The following MTUS2 variants were observed in gnomAD, a reference collection of about 807,000 sequenced individuals.
The protein encoded by MTUS2 is microtubule-associated tumor suppressor candidate 2.
Under a neutral mutation model 114.1 loss-of-function variants are expected in MTUS2, and 40 were observed. The observed-to-expected ratio is 0.35, with a 90% CI of 0.27 to 0.46. MTUS2 has a LOEUF of 0.46. MTUS2 is among the 20% of genes least tolerant of loss of function. The pLI, the probability that MTUS2 is intolerant of heterozygous loss-of-function variation, is 1.00. For synonymous variants in MTUS2, 688 were observed against 672.0 expected (o/e 1.02, Z -0.37); for missense variants, 1,679 against 1,705.4 (o/e 0.98, Z 0.27).
chr13:28,860,668 A>G (rs1876919049), intron 2 of MTUS2, among the ~76,000 whole-genome samples: 1 of 152,180 alleles, frequency 6.6e-6, no homozygotes, highest in Non-Finnish European at 1.5e-5. Context: ...CCTTGCTCCC[A>G]TCCACCTCAG....
intron 5 of MTUS2, among the ~76,000 whole-genome samples, chr13:29,218,267 T>C (rs1039503122): frequency 8.5e-6 from 1 of 117,378 alleles, no homozygotes; most frequent in Non-Finnish European, 1.8e-5. Context: ...TATCTGTTTA[T>C]GTTGTATCAT....
intron 5 of MTUS2, among the ~76,000 whole-genome samples, chr13:29,111,914 A>C (rs1268099568): frequency 1.3e-5 from 2 of 152,158 alleles, no homozygotes; most frequent in African/African-American, 4.8e-5. Context: ...AAAGTAAGAA[A>C]GTGCCATTCC....
At chr13:29,158,939 C>T (rs553693904) in intron 5 of MTUS2, among the ~76,000 whole-genome samples, 4 of 152,152 alleles carry the variant, frequency 2.6e-5, no homozygotes, top group African/African-American at 4.8e-5. Context: ...AGCCCAGGAA[C>T]GGGAGGGCTC....
intron 5 of MTUS2, among the ~76,000 whole-genome samples, chr13:29,253,425 C>A (rs1182768077): frequency 1.4e-5 from 2 of 147,480 alleles, no homozygotes; most frequent in Non-Finnish European, 3.0e-5. Flanking sequence ...GACTCCATCT[C>A]AAAAAAAAAA....
At chr13:29,061,476 G>T (rs1333544108) in intron 4 of MTUS2, among the ~76,000 whole-genome samples, 1 of 152,126 alleles carries the variant, frequency 6.6e-6, no homozygotes, top group Non-Finnish European at 1.5e-5. Flanking sequence ...GTTAAATTAT[G>T]CATGCAGATT....
At chr13:29,249,451 C>T (rs749301834) in intron 5 of MTUS2, among the ~76,000 whole-genome samples, 1 of 152,172 alleles carries the variant, frequency 6.6e-6, no homozygotes, top group Non-Finnish European at 1.5e-5. Flanking sequence ...TCCTGTTTCT[C>T]CACAGCCTCA....
chr13:29,131,198 T>G (rs979400108), intron 5 of MTUS2, among the ~76,000 whole-genome samples: 18 of 152,356 alleles, frequency 1.2e-4, no homozygotes, highest in African/African-American at 4.3e-4. Context: ...TACCTTCTTA[T>G]GACATGCCAG....
intron 8 of MTUS2, among the ~76,000 whole-genome samples, chr13:29,409,136 ATGGTGAAACCC>A (rs1875024932): frequency 6.6e-6 from 1 of 152,154 alleles, no homozygotes; most frequent in Non-Finnish European, 1.5e-5. Flanking sequence ...CCTGGCCAAC[ATGGTGAAACCC>A]TGTCTCTACT....
intron 5 of MTUS2, among the ~76,000 whole-genome samples, chr13:29,255,060 A>G (rs1049843292): frequency 4.6e-5 from 7 of 152,194 alleles, no homozygotes; most frequent in African/African-American, 1.7e-4. Flanking sequence ...CCCCTAGCTT[A>G]TAAGCAAGTG....
chr13:29,046,766 T>A (rs1887639877), intron 4 of MTUS2, among the ~76,000 whole-genome samples: 1 of 152,136 alleles, frequency 6.6e-6, no homozygotes, highest in South Asian at 2.1e-4. Context: ...CTTTGTTAGA[T>A]GCCTAGGCAC....
intron 2 of MTUS2, among the ~76,000 whole-genome samples, chr13:28,931,796 A>G (rs1030913414): frequency 1.3e-5 from 2 of 152,072 alleles, no homozygotes; most frequent in African/African-American, 2.4e-5. Flanking sequence ...GTCATTTAGC[A>G]TTAGGTATAT....
At chr13:28,904,591 G>A (rs1879864591) in intron 2 of MTUS2, among the ~76,000 whole-genome samples, 2 of 151,994 alleles carry the variant, frequency 1.3e-5, no homozygotes, top group African/African-American at 4.8e-5. Context: ...TCTGAGGGCT[G>A]TGTTCTGTTC....
intron 9 of MTUS2, among the ~76,000 whole-genome samples, chr13:29,466,614 C>T (rs967763138): frequency 2.0e-5 from 3 of 151,950 alleles, no homozygotes; most frequent in Admixed American, 6.6e-5. Flanking sequence ...TGGTGGCTCA[C>T]GCCTGTAATC....
chr13:29,031,194 G>T (rs1295410028), intron 3 of MTUS2, among the ~76,000 whole-genome samples: 1 of 148,802 alleles, frequency 6.7e-6, no homozygotes, highest in Non-Finnish European at 1.5e-5. Flanking sequence ...ATCTCTGGGG[G>T]GCACTGCATC....
chr13:28,910,977 A>G (rs1880387626), intron 2 of MTUS2, among the ~76,000 whole-genome samples: 1 of 131,448 alleles, frequency 7.6e-6, no homozygotes, highest in South Asian at 2.4e-4. Flanking sequence ...CCAGGTTCAC[A>G]CCATTCTTCT....
chr13:29,196,558 T>C (rs1374258047), intron 5 of MTUS2, among the ~76,000 whole-genome samples: 1 of 152,132 alleles, frequency 6.6e-6, no homozygotes, highest in Non-Finnish European at 1.5e-5. Context: ...CCATCATCCA[T>C]CTCCAGAACT....
chr13:28,911,773 CAT>C (rs533414952), intron 2 of MTUS2, among the ~76,000 whole-genome samples: 212 of 149,062 alleles, frequency 1.4e-3, no homozygotes, highest in African/African-American at 4.4e-3. Flanking sequence ...AGCTTTTTTT[CAT>C]ATGTTTATTG....
At chr13:29,415,661 T>C (rs1282092411) in intron 8 of MTUS2, among the ~76,000 whole-genome samples, 1 of 152,186 alleles carries the variant, frequency 6.6e-6, no homozygotes, top group Non-Finnish European at 1.5e-5. Flanking sequence ...ACAGAAAATG[T>C]GTTTCTTTCC....
At chr13:29,416,465 C>T (rs1875678108) in intron 8 of MTUS2, among the ~76,000 whole-genome samples, 1 of 150,598 alleles carries the variant, frequency 6.6e-6, no homozygotes, top group Non-Finnish European at 1.5e-5. Flanking sequence ...ATATATATAG[C>T]ACATATTATG....
Sources: allele counts gnomAD v4.1 joint callset (sites outside exome capture counted in the v4.1 genomes callset), GRCh38; gene constraint gnomAD v4.1.1; transcripts MANE v1.5; gene names NCBI Gene and HGNC (gene_info 2026-07-23, HGNC 2026-07-21).